SHISA9: variants seen among roughly 807,000 people sequenced by gnomAD.
SHISA9 encodes the protein protein shisa-9.
Under a neutral mutation model 38.0 loss-of-function variants are expected in SHISA9, and 13 were observed. The ratio of observed to expected loss-of-function variants is 0.34; its 90% CI spans 0.22 to 0.54. The LOEUF (loss-of-function observed/expected upper bound fraction) is 0.54. SHISA9 is among the 20% of genes least tolerant of loss of function. The pLI, the probability that SHISA9 is intolerant of heterozygous loss-of-function variation, is 0.91. For missense variants in SHISA9, 538 were observed against 575.8 expected (o/e 0.93, Z 0.67); for synonymous variants, 275 against 242.0 (o/e 1.14, Z -1.27).
chr16:13,221,553 G>A, intron 4 of SHISA9, among the ~76,000 whole-genome samples: 1 of 149,968 alleles, frequency 6.7e-6, no homozygotes, highest in South Asian at 2.1e-4. Context: ...GTTAAATACT[G>A]TTTTACGGTA....
chr16:13,294,847 T>G, the SHISA9 span, among the ~76,000 whole-genome samples: 103 of 152,164 alleles, frequency 6.8e-4, no homozygotes, highest in African/African-American at 2.2e-3. Context: ...CTATCTAGAG[T>G]GAGGGAGGAT....
At chr16:13,032,423 C>T (rs2073002893) in intron 2 of SHISA9, among the ~76,000 whole-genome samples, 2 of 152,068 alleles carry the variant, frequency 1.3e-5, no homozygotes, top group Non-Finnish European at 2.9e-5. Flanking sequence ...CAGGAACCAA[C>T]CCAAATGCCC....
chr16:13,356,263 G>A, the SHISA9 span, among the ~76,000 whole-genome samples: 1 of 152,164 alleles, frequency 6.6e-6, no homozygotes, highest in Non-Finnish European at 1.5e-5. Flanking sequence ...GAGCAGATTG[G>A]GTAATAAAAT....
In SHISA9 at chr16:13,189,645, C is replaced by T. The variant is rs988500839; in HGVS notation, c.692-13749C>T. 5.3e-5 allele frequency among the ~76,000 whole-genome samples: 8 copies of T among 152,212 alleles called. No homozygotes were observed. The South Asian group carries it at 6.2e-4, about 12-fold the overall frequency. On this transcript the variant is annotated intron_variant, in intron 2 of 4. Transcript: ENST00000558583. ...TGCTTTGGAGAGAAAGGAGAGAGAA[C>T]GATGTGGAAGGCATGTGTTTAAGCT...
the SHISA9 span, among the ~76,000 whole-genome samples, chr16:13,303,092 C>T: frequency 1.7e-4 from 26 of 152,238 alleles, no homozygotes; most frequent in African/African-American, 5.8e-4. Context: ...GTCAAAATGG[C>T]AATAACTGTT....
chr16:13,050,075 T>C (rs997804625), intron 2 of SHISA9, among the ~76,000 whole-genome samples: 2 of 152,170 alleles, frequency 1.3e-5, no homozygotes, highest in African/African-American at 4.8e-5. Context: ...GGAGGTACTA[T>C]GATGATATAG....
At chr16:13,551,628 A>G in the SHISA9 span, among the ~76,000 whole-genome samples, 1 of 152,360 alleles carries the variant, frequency 6.6e-6, no homozygotes, top group African/African-American at 2.4e-5. Context: ...TACCACATGC[A>G]TACAATCATT....
intron 2 of SHISA9, among the ~76,000 whole-genome samples, chr16:13,014,829 C>T (rs2072722104): frequency 6.6e-6 from 1 of 152,246 alleles, no homozygotes; most frequent in South Asian, 2.1e-4. Context: ...ATTATGAACT[C>T]ACAAGACTTC....
At chr16:12,939,438 G>T (rs976825389) in intron 2 of SHISA9, among the ~76,000 whole-genome samples, 3 of 152,164 alleles carry the variant, frequency 2.0e-5, no homozygotes, top group African/African-American at 7.2e-5. Context: ...CCTCCCAGAG[G>T]TTTGTTGTTG....
At chr16:13,000,150 G>C (rs1163289084) in intron 2 of SHISA9, among the ~76,000 whole-genome samples, 1 of 151,892 alleles carries the variant, frequency 6.6e-6, no homozygotes, top group Non-Finnish European at 1.5e-5. Context: ...AAGGTTTGGA[G>C]TCAGACGTCC....
rs543463903 is a variant in SHISA9, at chr16:13,053,325, T to C, written c.691+136510T>C. Among the ~76,000 whole-genome samples the C allele has an allele frequency of 2.6e-5, 4 of 152,118 alleles. No homozygotes were observed. In the East Asian group the frequency reaches 7.7e-4, roughly 29 times the overall value. On this transcript the variant is annotated intron_variant, in intron 2 of 4. Transcript: ENST00000558583. Reference sequence around the variant, plus strand: ...AAGTGTTGGCATCTCACCTCTGCAATGTAGTTGACGATCTGATTACTTCCT... The same window carrying C: ...AAGTGTTGGCATCTCACCTCTGCAACGTAGTTGACGATCTGATTACTTCCT...
intron 4 of SHISA9, among the ~76,000 whole-genome samples, chr16:13,228,737 C>G (rs1416631458): frequency 6.6e-6 from 1 of 152,092 alleles, no homozygotes; most frequent in East Asian, 1.9e-4. Context: ...AGTACAAGTG[C>G]AGGTTTGTTA....
chr16:13,297,432 CT>C, the SHISA9 span, among the ~76,000 whole-genome samples: 1 of 152,072 alleles, frequency 6.6e-6, no homozygotes, highest in Non-Finnish European at 1.5e-5. Flanking sequence ...TTGAGGTTTC[CT>C]TTAGTCTTTG....
the SHISA9 span, among the ~76,000 whole-genome samples, chr16:13,420,883 G>A: frequency 1.9e-4 from 29 of 152,172 alleles, no homozygotes; most frequent in Non-Finnish European, 3.7e-4. Context: ...ATCCTCTCAC[G>A]TAGACATTGA....
chr16:13,062,603 GC>G (rs1276425557), intron 2 of SHISA9, among the ~76,000 whole-genome samples: 1 of 152,078 alleles, frequency 6.6e-6, no homozygotes, highest in Non-Finnish European at 1.5e-5. Context: ...TTATCATGGT[GC>G]TTTTGAGCCC....
At chr16:13,556,915 A>G in the SHISA9 span, among the ~76,000 whole-genome samples, 1 of 152,230 alleles carries the variant, frequency 6.6e-6, no homozygotes, top group Non-Finnish European at 1.5e-5. Flanking sequence ...TACATAGTTT[A>G]CATGCGAAGA....
chr16:13,403,029 A>G, the SHISA9 span, among the ~76,000 whole-genome samples: 1 of 152,194 alleles, frequency 6.6e-6, no homozygotes, highest in East Asian at 1.9e-4. Context: ...GAGGCAGGAG[A>G]ATCACTTGAG....
intron 2 of SHISA9, among the ~76,000 whole-genome samples, chr16:13,169,988 A>C (rs2050670982): frequency 6.6e-6 from 1 of 152,162 alleles, no homozygotes. Context: ...GGATCACCTG[A>C]GGTCAGGAGT....
At chr16:13,434,421 T>TTTTTTTTTTTGTTTG in the SHISA9 span, among the ~76,000 whole-genome samples, 2 of 121,594 alleles carry the variant, frequency 1.6e-5, no homozygotes, top group Non-Finnish European at 1.7e-5. Context: ...CAAGCTATGT[T>TTTTTTTTTTTGTTTG]TTTTTTTTTT....
Sources: allele counts gnomAD v4.1 joint callset (sites outside exome capture counted in the v4.1 genomes callset), GRCh38; gene constraint gnomAD v4.1.1; transcripts MANE v1.5; gene names NCBI Gene and HGNC (gene_info 2026-07-23, HGNC 2026-07-21).